Variants in VWA8 observed in about 807,000 individuals in gnomAD.
VWA8 encodes von Willebrand factor A domain-containing protein 8.
In VWA8, 221 loss-of-function variants were observed where a neutral mutation model predicts 241.5. That is an observed-to-expected ratio of 0.91 (90% CI 0.82 to 1.02). The LOEUF is 1.02. Ranked by LOEUF, VWA8 falls within the 50% of genes least tolerant of loss-of-function variation. VWA8 has a pLI of 0.00. For synonymous variants in VWA8, 852 were observed against 827.1 expected (o/e 1.03, Z -0.52); for missense variants, 2,322 against 2,328.7 (o/e 1.00, Z 0.06).
At chr13:41,902,152 GA>G (rs1875483976) in intron 4 of VWA8, among the ~76,000 whole-genome samples, 1 of 151,562 alleles carries the variant, frequency 6.6e-6, no homozygotes, top group African/African-American at 2.4e-5. Context: ...TAAAAAGGTA[GA>G]AAAAATAGGA....
chr13:41,900,995 CTG>C (rs1319009805), intron 4 of VWA8, among the ~76,000 whole-genome samples: 4 of 152,008 alleles, frequency 2.6e-5, no homozygotes, highest in African/African-American at 9.7e-5. Context: ...ATCTCATAGA[CTG>C]TGTTGCAGAT....
intron 18 of VWA8, 148 bp from the exon 19 acceptor site, chr13:41,784,049 A>C: frequency 1.6e-6 from 1 of 620,306 alleles, no homozygotes. Context: ...TAGTAATAAA[A>C]CACCACAGCT....
intron 16 of VWA8, among the ~76,000 whole-genome samples, chr13:41,815,234 G>C (rs1030241808): frequency 1.3e-5 from 2 of 152,192 alleles, no homozygotes; most frequent in African/African-American, 4.8e-5. Context: ...AAAGTATTTG[G>C]AATGAGGCCC....
At chr13:41,809,088 C>T (rs9566855) in intron 17 of VWA8, among the ~76,000 whole-genome samples, 11,514 of 151,976 alleles carry the variant, frequency 0.076, 605 homozygotes, top group African/African-American at 0.15. Context: ...AACTATAAAA[C>T]ACTGATGGAG....
At chr13:41,778,927 C>T (rs1251137419) in intron 19 of VWA8, among the ~76,000 whole-genome samples, 1 of 148,208 alleles carries the variant, frequency 6.7e-6, no homozygotes, top group African/African-American at 2.5e-5. Flanking sequence ...CTGCAAGCTC[C>T]GCCTCCTGGG....
At chr13:41,581,470 T>G (rs1285619581) in intron 42 of VWA8, among the ~76,000 whole-genome samples, 1 of 152,194 alleles carries the variant, frequency 6.6e-6, no homozygotes, top group East Asian at 1.9e-4. Flanking sequence ...TTCCTTCAAA[T>G]GAAATACTGC....
intron 20 of VWA8, among the ~76,000 whole-genome samples, chr13:41,762,182 T>C (rs1318699989): frequency 1.3e-5 from 2 of 152,130 alleles, no homozygotes; most frequent in Non-Finnish European, 2.9e-5. Flanking sequence ...CTGGTATGTA[T>C]ACACAAATAT....
At chr13:41,635,435 T>C (rs764682559) in intron 37 of VWA8, among the ~76,000 whole-genome samples, 1 of 152,242 alleles carries the variant, frequency 6.6e-6, no homozygotes, top group Non-Finnish European at 1.5e-5. Context: ...AGAAGTCTTA[T>C]ACATTTAATT....
At chr13:41,960,725 T>A in intron 1 of VWA8, 128 bp downstream of exon 1, 1 of 1,322,546 alleles carries the variant, frequency 7.6e-7, no homozygotes. Context: ...CCTCAATCTT[T>A]CAGCTCCCCG....
At chr13:41,636,441 G>C (rs1442601119) in intron 37 of VWA8, among the ~76,000 whole-genome samples, 4 of 152,156 alleles carry the variant, frequency 2.6e-5, no homozygotes, top group Non-Finnish European at 5.9e-5. Context: ...ATGGATTAAA[G>C]ACTTAAATGT....
At chr13:41,792,293 A>G (rs776802778) in intron 17 of VWA8, among the ~76,000 whole-genome samples, 3 of 151,914 alleles carry the variant, frequency 2.0e-5, no homozygotes, top group Non-Finnish European at 4.4e-5. Context: ...TATAACTTAT[A>G]AAGTAGTTTA....
At chr13:41,926,955 C>T (rs1593875769) in intron 2 of VWA8, 1 of 526,360 alleles carries the variant, frequency 1.9e-6, no homozygotes, top group East Asian at 4.9e-5. Context: ...TTGCATCAAT[C>T]CTACATTAAT....
At chr13:41,848,794 G>A (rs748836268) in intron 12 of VWA8, among the ~76,000 whole-genome samples, 3 of 152,200 alleles carry the variant, frequency 2.0e-5, no homozygotes, top group Non-Finnish European at 4.4e-5. Context: ...TGATAGCATA[G>A]TGACTATCAT....
At chr13:41,785,697 C>T (rs1263022480) in intron 18 of VWA8, among the ~76,000 whole-genome samples, 2 of 152,086 alleles carry the variant, frequency 1.3e-5, no homozygotes, top group Non-Finnish European at 2.9e-5. Context: ...TGCCATTTTC[C>T]TTTTGTTTAC....
At chr13:41,571,293 C>CCCTCCT (rs2044300183) in intron 43 of VWA8, among the ~76,000 whole-genome samples, 4 of 149,832 alleles carry the variant, frequency 2.7e-5, no homozygotes, top group African/African-American at 7.4e-5. Flanking sequence ...GTCTCCCTCT[C>CCCTCCT]CCGTCTCCCT....
chr13:41,620,004 T>G (rs1440964821), intron 37 of VWA8, among the ~76,000 whole-genome samples: 3 of 152,212 alleles, frequency 2.0e-5, no homozygotes, highest in Non-Finnish European at 4.4e-5. Flanking sequence ...TAGGGAGGAT[T>G]CCCTCTTTTT....
intron 2 of VWA8, among the ~76,000 whole-genome samples, chr13:41,929,037 C>T (rs1388403977): frequency 6.6e-6 from 1 of 151,248 alleles, no homozygotes; most frequent in Non-Finnish European, 1.5e-5. Flanking sequence ...TGGCATTCTT[C>T]ACAGATAGAA....
In VWA8 at chr13:41,570,519, T is replaced by TGAG. The variant is rs1280706884; in HGVS notation, c.5555_5557dup (p.Pro1852dup). On this transcript the variant is annotated inframe_insertion, in exon 44 of 45. Transcript: ENST00000379310. ...AATAAAAATGGCAAAAGCATTTACTTGAGGGTCTCTTGTGAGGATTTGAGC... is the reference window on the plus strand; with the variant it reads ...AATAAAAATGGCAAAAGCATTTACTTGAGGAGGGTCTCTTGTGAGGATTTGAGC... 5 of 1,614,112 alleles carry TGAG rather than the reference T, an allele frequency of 3.1e-6. No homozygotes were observed. The South Asian group carries it at 4.4e-5, about 14-fold the overall frequency.
intron 21 of VWA8, among the ~76,000 whole-genome samples, chr13:41,742,255 A>T (rs1435850340): frequency 6.6e-6 from 1 of 152,206 alleles, no homozygotes; most frequent in African/African-American, 2.4e-5. Flanking sequence ...TGTTCCAAAG[A>T]TGGATGGAAG....
Sources: allele counts gnomAD v4.1 joint callset (sites outside exome capture counted in the v4.1 genomes callset), GRCh38; gene constraint gnomAD v4.1.1; transcripts MANE v1.5; gene names NCBI Gene and HGNC (gene_info 2026-07-23, HGNC 2026-07-21).